Variants in GAREM1 observed in about 807,000 individuals in gnomAD.
The protein encoded by GAREM1 is GRB2-associated and regulator of MAPK protein 1.
In GAREM1, 26 loss-of-function variants were observed where a neutral mutation model predicts 71.3. The ratio of observed to expected loss-of-function variants is 0.36; its 90% CI spans 0.27 to 0.51. The LOEUF (loss-of-function observed/expected upper bound fraction) is 0.51. Ranked by LOEUF, GAREM1 falls within the 20% of genes least tolerant of loss-of-function variation. GAREM1 has a pLI of 0.95. For missense variants in GAREM1, 1,026 were observed against 1,103.1 expected (o/e 0.93, Z 0.99); for synonymous variants, 440 against 433.2 (o/e 1.02, Z -0.20).
Position 32,342,092 on chromosome 18 carries a change from T to C in GAREM1, c.263-31769A>G, listed in dbSNP as rs147427719. Among the ~76,000 whole-genome samples the C allele has an allele frequency of 1.3e-3, 194 of 152,334 alleles. 1 individual carries two copies. Among genetic ancestry groups the C allele is most frequent in the African/African-American group, 4.2e-3 (175 of 41,578 alleles). On this transcript the variant is annotated intron_variant, in intron 2 of 5. Transcript: ENST00000269209. ...TGGCATTATAATAATTATTGCTATT[T>C]ACTTAAAGCCTGCTACATACCAGGC...
At chr18:32,273,532 C>A (rs1203355062) in intron 4 of GAREM1, among the ~76,000 whole-genome samples, 3 of 152,100 alleles carry the variant, frequency 2.0e-5, no homozygotes, top group African/African-American at 7.2e-5. Context: ...AGGTTTCCCA[C>A]AATGGTGAGG....
intron 1 of GAREM1, among the ~76,000 whole-genome samples, chr18:32,426,329 A>G (rs908195085): frequency 2.6e-5 from 4 of 152,278 alleles, no homozygotes; most frequent in Non-Finnish European, 5.9e-5. Flanking sequence ...TCTTTCTTTA[A>G]TTCTAGAGTC....
intron 1 of GAREM1, among the ~76,000 whole-genome samples, chr18:32,465,953 G>A (rs2144320452): frequency 6.6e-6 from 1 of 152,284 alleles, no homozygotes; most frequent in East Asian, 1.9e-4. Flanking sequence ...TTTCTAAGAT[G>A]CATTGCCTGA....
intron 2 of GAREM1, among the ~76,000 whole-genome samples, chr18:32,331,086 A>C (rs1051389163): frequency 5.3e-5 from 8 of 152,192 alleles, no homozygotes; most frequent in African/African-American, 1.9e-4. Context: ...CATCATAGAT[A>C]ATTATAGGTT....
At chr18:32,289,573 T>C (rs1042265574) in intron 3 of GAREM1, among the ~76,000 whole-genome samples, 1 of 152,236 alleles carries the variant, frequency 6.6e-6, no homozygotes, top group African/African-American at 2.4e-5. Context: ...AAGTTGTTTT[T>C]TTTAAAATGT....
intron 2 of GAREM1, among the ~76,000 whole-genome samples, chr18:32,327,596 G>C (rs186851910): frequency 6.6e-6 from 1 of 152,116 alleles, no homozygotes; most frequent in Non-Finnish European, 1.5e-5. Context: ...TGAAGGATTA[G>C]GATTATGTTT....
At chr18:32,296,870 T>G (rs2144491559) in intron 3 of GAREM1, among the ~76,000 whole-genome samples, 1 of 152,258 alleles carries the variant, frequency 6.6e-6, no homozygotes, top group African/African-American at 2.4e-5. Flanking sequence ...TTCTCTTGAC[T>G]TAGGTCACCA....
intron 1 of GAREM1, among the ~76,000 whole-genome samples, chr18:32,418,261 T>A (rs1370015523): frequency 2.0e-5 from 3 of 152,150 alleles, no homozygotes; most frequent in Non-Finnish European, 4.4e-5. Context: ...AATTAGCGAC[T>A]TTCTTCTTGC....
Position 32,310,310 on chromosome 18 carries a change from C to T in GAREM1, c.276G>A (p.Leu92=), listed in dbSNP as rs2047305748. Residue 92 remains leucine (L), a synonymous_variant, in exon 3 of 6, where the codon CTG becomes CTA. Transcript: ENST00000269209. ...IPVHYAGQFK[L]LEQDRDIKEP... is the part of the protein sequence containing the mutation. Reference sequence around the variant, plus strand: ...CCTTTATATCTCGGTCTTGTTCCAGCAGCTTGAATTGCCCTAAAACACAGG... The same window carrying T: ...CCTTTATATCTCGGTCTTGTTCCAGTAGCTTGAATTGCCCTAAAACACAGG... 2 of 1,614,086 alleles carry T rather than the reference C, an allele frequency of 1.2e-6. No homozygotes were observed. The highest frequency in any genetic ancestry group is 1.7e-6 in the Non-Finnish European group (2 of 1,179,980).
At position 32,266,980 on chromosome 18, in the gene GAREM1, T is replaced by G. The variant is rs959685027; in HGVS notation, c.*891A>C. On this transcript the variant is annotated 3_prime_UTR_variant, in exon 6 of 6. Coordinates refer to ENST00000269209, the MANE Select transcript of GAREM1 (RefSeq NM_001242409.2). The stretch of plus-strand genomic sequence containing the variant: ...TTACTGATTTGTTCTAAGTTTTCAG[T>G]GATGAACCCAAATAAGATTGAGCTT... 12 of 152,198 alleles carry G rather than the reference T, an allele frequency of 7.9e-5. No individual in the cohort carries two copies. The highest frequency in any genetic ancestry group is 1.5e-5 in the Non-Finnish European group (1 of 68,018). 9.4% of individuals were successfully genotyped at this position (152,198 alleles called of 1,614,324 possible).
At chr18:32,394,783 C>T (rs1197284730) in intron 1 of GAREM1, among the ~76,000 whole-genome samples, 1 of 152,172 alleles carries the variant, frequency 6.6e-6, no homozygotes, top group Non-Finnish European at 1.5e-5. Flanking sequence ...GCAGGAATTA[C>T]AAGCACCAGG....
At chr18:32,434,325 C>A (rs760684227) in intron 1 of GAREM1, among the ~76,000 whole-genome samples, 33 of 152,040 alleles carry the variant, frequency 2.2e-4, no homozygotes, top group Admixed American at 4.6e-4. Context: ...ATTAGATATA[C>A]ATATATTTCC....
chr18:32,311,743 G>T lies in GAREM1; in HGVS notation c.263-1420C>A, dbSNP rs551817546. Among the ~76,000 whole-genome samples the T allele has an allele frequency of 5.3e-5, 8 of 152,338 alleles. No homozygotes were observed. In the East Asian group the frequency reaches 1.5e-3, roughly 29 times the overall value. On this transcript the variant is annotated intron_variant, in intron 2 of 5. Transcript: ENST00000269209. Reference sequence around the variant, plus strand: ...GGCTGGAGTGGGATAAGGGAAGAGGGGAAAGAAAGTTAGAGCAGTAGCAGG... The same window carrying T: ...GGCTGGAGTGGGATAAGGGAAGAGGTGAAAGAAAGTTAGAGCAGTAGCAGG...
intron 1 of GAREM1, among the ~76,000 whole-genome samples, chr18:32,407,999 C>T (rs2048381459): frequency 6.6e-6 from 1 of 151,464 alleles, no homozygotes; most frequent in African/African-American, 2.4e-5. Context: ...AAAACTAACT[C>T]TACTAAAGGT....
At chr18:32,419,636 G>C (rs1189196735) in intron 1 of GAREM1, among the ~76,000 whole-genome samples, 1 of 152,092 alleles carries the variant, frequency 6.6e-6, no homozygotes, top group Non-Finnish European at 1.5e-5. Flanking sequence ...ACAGCAGCCT[G>C]AACTAAGACA....
At chr18:32,337,334 C>T (rs2047606250) in intron 2 of GAREM1, among the ~76,000 whole-genome samples, 1 of 152,224 alleles carries the variant, frequency 6.6e-6, no homozygotes, top group Non-Finnish European at 1.5e-5. Flanking sequence ...CAAAACAAAG[C>T]AGATGAAACT....
intron 2 of GAREM1, among the ~76,000 whole-genome samples, chr18:32,370,585 A>G (rs2047968412): frequency 1.3e-5 from 2 of 152,190 alleles, no homozygotes; most frequent in South Asian, 4.1e-4. Flanking sequence ...TGAAATTCCA[A>G]CATAAAGTAA....
intron 1 of GAREM1, among the ~76,000 whole-genome samples, chr18:32,396,420 C>T (rs191189513): frequency 3.0e-4 from 46 of 152,218 alleles, no homozygotes; most frequent in African/African-American, 1.0e-3. Flanking sequence ...AAACATTAGA[C>T]GAATGGCTAA....
At chr18:32,445,970 A>G (rs888278963) in intron 1 of GAREM1, among the ~76,000 whole-genome samples, 1 of 152,172 alleles carries the variant, frequency 6.6e-6, no homozygotes, top group Non-Finnish European at 1.5e-5. Flanking sequence ...GGTAAAATGC[A>G]TGTTGCTCGT....
Sources: allele counts gnomAD v4.1 joint callset (sites outside exome capture counted in the v4.1 genomes callset), GRCh38; gene constraint gnomAD v4.1.1; transcripts MANE v1.5; gene names NCBI Gene and HGNC (gene_info 2026-07-23, HGNC 2026-07-21).